VAT1L: variants seen among roughly 807,000 people sequenced by gnomAD.
The protein encoded by VAT1L is vesicle amine transport 1 like, also known as putative NADPH-dependent quinone oxidoreductase VAT1L.
A neutral mutation model predicts 44.1 loss-of-function variants in VAT1L; 34 were observed. The observed-to-expected ratio is 0.77, with a 90% CI of 0.59 to 1.03. VAT1L has a LOEUF of 1.03. Among genes scored for constraint, VAT1L ranks in the 50% least tolerant of loss-of-function variants. The pLI is 0.00. For synonymous variants in VAT1L, 253 were observed against 202.2 expected (o/e 1.25, Z -2.13); for missense variants, 615 against 538.8 (o/e 1.14, Z -1.40).
intron 7 of VAT1L, among the ~76,000 whole-genome samples, chr16:77,887,333 C>A (rs919655436): frequency 2.0e-5 from 3 of 152,166 alleles, no homozygotes; most frequent in African/African-American, 7.2e-5. Flanking sequence ...GGTACCACAT[C>A]CTGGTCCCAA....
intron 7 of VAT1L, among the ~76,000 whole-genome samples, chr16:77,955,738 A>AAG (rs1457104366): frequency 6.6e-6 from 1 of 150,672 alleles, no homozygotes; most frequent in Non-Finnish European, 1.5e-5. Flanking sequence ...CCAAAAAAAA[A>AAG]AAAAGAGAGA....
At chr16:77,956,622 C>T (rs1271798832) in intron 7 of VAT1L, among the ~76,000 whole-genome samples, 1 of 152,190 alleles carries the variant, frequency 6.6e-6, no homozygotes. Context: ...CTATGGGCAT[C>T]TGGTGACTCT....
At chr16:77,960,850 A>G (rs941301320) in intron 7 of VAT1L, among the ~76,000 whole-genome samples, 1 of 152,018 alleles carries the variant, frequency 6.6e-6, no homozygotes, top group African/African-American at 2.4e-5. Flanking sequence ...CTGCCGAGAA[A>G]TGACCGTGAC....
intron 8 of VAT1L, among the ~76,000 whole-genome samples, chr16:77,973,849 C>A (rs1344596097): frequency 1.3e-5 from 2 of 152,094 alleles, no homozygotes; most frequent in East Asian, 3.9e-4. Flanking sequence ...CCTCAGCCTC[C>A]CAGGTGGCTG....
rs1889124820 is a variant in VAT1L at position 77,905,269 on chromosome 16, CTTGA to C, written c.1077+20470_1077+20473del. Among the ~76,000 whole-genome samples, 3 of 152,152 alleles carry C rather than the reference CTTGA, an allele frequency of 2.0e-5. No individual in the cohort carries two copies. The South Asian group carries it at 6.2e-4, about 31-fold the overall frequency. The stretch of plus-strand genomic sequence containing the variant: ...GAAAACATTACGTTTGTTGGCATGG[CTTGA>C]TTTTCTTCAAAGAAGAAAAGAATTT... On this transcript the variant is annotated intron_variant, in intron 7 of 8. Coordinates refer to ENST00000302536, the MANE Select transcript of VAT1L (RefSeq NM_020927.3).
chr16:77,813,116 C>T (rs2016293071), intron 1 of VAT1L, among the ~76,000 whole-genome samples: 2 of 151,968 alleles, frequency 1.3e-5, no homozygotes, highest in African/African-American at 2.4e-5. Flanking sequence ...ATACTGGAAA[C>T]TGTAATTGTG....
At chr16:77,856,040 A>AC (rs1314804372) in intron 3 of VAT1L, among the ~76,000 whole-genome samples, 3 of 151,716 alleles carry the variant, frequency 2.0e-5, no homozygotes, top group Non-Finnish European at 4.4e-5. Context: ...AAACAAACAA[A>AC]AAACACTGTA....
At chr16:77,797,011 C>T (rs577570835) in intron 1 of VAT1L, among the ~76,000 whole-genome samples, 1 of 152,170 alleles carries the variant, frequency 6.6e-6, no homozygotes, top group Non-Finnish European at 1.5e-5. Flanking sequence ...TGAAAATTGC[C>T]TAATGGTACA....
intron 2 of VAT1L, among the ~76,000 whole-genome samples, chr16:77,818,581 C>A (rs1423293993): frequency 1.3e-5 from 2 of 152,122 alleles, no homozygotes; most frequent in Non-Finnish European, 2.9e-5. Flanking sequence ...AATAAATAAC[C>A]AGTTATTTTA....
intron 7 of VAT1L, among the ~76,000 whole-genome samples, chr16:77,944,895 G>A (rs576128576): frequency 1.3e-5 from 2 of 152,082 alleles, no homozygotes; most frequent in African/African-American, 2.4e-5. Flanking sequence ...CATGGGGCAG[G>A]TTTCTCCTAG....
intron 7 of VAT1L, among the ~76,000 whole-genome samples, chr16:77,895,540 T>A (rs1346936151): frequency 6.6e-6 from 1 of 151,244 alleles, no homozygotes; most frequent in Non-Finnish European, 1.5e-5. Context: ...GGAAGAAGGG[T>A]GATGTGATAC....
At chr16:77,825,792 A>G (rs754555847) in intron 3 of VAT1L, among the ~76,000 whole-genome samples, 1 of 151,610 alleles carries the variant, frequency 6.6e-6, no homozygotes, top group Non-Finnish European at 1.5e-5. Flanking sequence ...AGAGGCGGGC[A>G]GATCACGAAG....
chr16:77,951,043 C>T (rs181161675), intron 7 of VAT1L, among the ~76,000 whole-genome samples: 8 of 152,300 alleles, frequency 5.3e-5, no homozygotes, highest in Admixed American at 4.6e-4. Flanking sequence ...GCAGCGCCCG[C>T]GGTCTTGGCA....
rs1567479105 is a variant in VAT1L, at chr16:77,825,435, C to T, written c.553C>T (p.Leu185Phe). Residue 185 changes from leucine to phenylalanine, a missense_variant, in exon 3 of 9, where the codon CTC (leucine) becomes TTC (phenylalanine). Transcript: ENST00000302536. ...VANLREGMSV[L>F]VHSAGGGVGQ... ...CAACCTCCGGGAAGGGATGTCTGTG[C>T]TCGTGCACTCAGCTGGTGGGGGCGT... 6.9e-6 allele frequency: 11 copies of T among 1,600,358 alleles called. No homozygotes were observed. The highest frequency in any genetic ancestry group is 9.4e-6 in the Non-Finnish European group (11 of 1,172,572).
chr16:77,862,806 C>T lies in VAT1L; in HGVS notation c.638C>T (p.Ala213Val). The T allele has an allele frequency of 6.2e-7, 1 of 1,613,948 alleles. No individual in the cohort carries two copies. The highest frequency in any genetic ancestry group is 1.1e-5 in the South Asian group (1 of 91,080). Residue 213 changes from alanine to valine, a missense_variant, in exon 4 of 9, where the codon GCC becomes GTC. Ala to Val is a moderately conservative substitution (Grantham distance 64, BLOSUM62 0). Transcript: ENST00000302536. ...CCCAACGTGACTGTCTTTGGAACAGCCTCTACTTTCAAGCATGAAGCAATC... is the reference window on the plus strand; with the variant it reads ...CCCAACGTGACTGTCTTTGGAACAGTCTCTACTTTCAAGCATGAAGCAATC... ...TVPNVTVFGTASTFKHEAIKD... is the reference protein window; with the variant it reads ...TVPNVTVFGTVSTFKHEAIKD...
intron 7 of VAT1L, among the ~76,000 whole-genome samples, chr16:77,935,080 C>A (rs2017777443): frequency 6.6e-6 from 1 of 152,158 alleles, no homozygotes; most frequent in African/African-American, 2.4e-5. Flanking sequence ...CTGTCTTTTA[C>A]ATCTGACCCA....
intron 7 of VAT1L, among the ~76,000 whole-genome samples, chr16:77,964,143 G>T (rs1000813320): frequency 1.3e-5 from 2 of 152,002 alleles, no homozygotes; most frequent in Non-Finnish European, 2.9e-5. Flanking sequence ...CCCTCTCCCT[G>T]AATCCCTATT....
At chr16:77,957,988 ATC>A (rs2018121919) in intron 7 of VAT1L, among the ~76,000 whole-genome samples, 1 of 151,886 alleles carries the variant, frequency 6.6e-6, no homozygotes, top group African/African-American at 2.4e-5. Flanking sequence ...GCTCACTGCA[ATC>A]TCTGCCCACC....
chr16:77,912,521 G>A (rs1219913559), intron 7 of VAT1L, among the ~76,000 whole-genome samples: 1 of 151,832 alleles, frequency 6.6e-6, no homozygotes, highest in Non-Finnish European at 1.5e-5. Context: ...AGGCTCAAGC[G>A]GTCCTCCCTC....
Sources: allele counts gnomAD v4.1 joint callset (sites outside exome capture counted in the v4.1 genomes callset), GRCh38; gene constraint gnomAD v4.1.1; transcripts MANE v1.5; gene names NCBI Gene and HGNC (gene_info 2026-07-23, HGNC 2026-07-21).